The following PHACTR3 variants were observed in gnomAD, a reference collection of about 807,000 sequenced individuals.
PHACTR3 encodes the protein protein phosphatase 1, regulatory subunit 123.
Under a neutral mutation model 66.8 loss-of-function variants are expected in PHACTR3, and 16 were observed. That is an observed-to-expected ratio of 0.24 (90% CI 0.16 to 0.36). The LOEUF (loss-of-function observed/expected upper bound fraction) is 0.36. Ranked by LOEUF, PHACTR3 falls within the 10% of genes least tolerant of loss-of-function variation. PHACTR3 has a pLI of 1.00. For synonymous variants in PHACTR3, 323 were observed against 292.1 expected, an observed-to-expected ratio of 1.11 and a Z score of -1.08; for missense variants, 647 against 719.9, an observed-to-expected ratio of 0.90 and a Z score of 1.16.
intron 1 of PHACTR3, among the ~76,000 whole-genome samples, chr20:59,725,094 C>A (rs2038511247): frequency 6.6e-6 from 1 of 150,666 alleles, no homozygotes; most frequent in South Asian, 2.1e-4. Context: ...CTCAGTAAGG[C>A]TGTGAGCCCA....
chr20:59,768,409 G>C (rs77511051), intron 5 of PHACTR3, among the ~76,000 whole-genome samples: 3,402 of 152,286 alleles, frequency 0.022, 58 homozygotes, highest in Non-Finnish European at 0.035. Context: ...GGGTAGGCAC[G>C]AGGTGCCCCA....
intron 1 of PHACTR3, among the ~76,000 whole-genome samples, chr20:59,728,127 G>A (rs1254690877): frequency 2.0e-5 from 3 of 152,120 alleles, no homozygotes; most frequent in African/African-American, 4.8e-5. Context: ...TCTAGTTCCC[G>A]AACATTGTCA....
intron 1 of PHACTR3, among the ~76,000 whole-genome samples, chr20:59,715,651 A>C (rs1405362966): frequency 6.6e-6 from 1 of 152,044 alleles, no homozygotes; most frequent in Non-Finnish European, 1.5e-5. Context: ...TGATTCCCTC[A>C]TGTTTTTTAT....
At chr20:59,826,569 C>T (rs925244611) in intron 8 of PHACTR3, among the ~76,000 whole-genome samples, 3 of 152,136 alleles carry the variant, frequency 2.0e-5, no homozygotes, top group Non-Finnish European at 2.9e-5. Context: ...CACACACCCT[C>T]CTGGCCCTGC....
At chr20:59,583,620 G>A (rs1453204346) in intron 1 of PHACTR3, among the ~76,000 whole-genome samples, 2 of 152,184 alleles carry the variant, frequency 1.3e-5, no homozygotes, top group Non-Finnish European at 2.9e-5. Context: ...TGGCTTTCCC[G>A]GAACCCTCCT....
chr20:59,722,092 T>C (rs977266164), intron 1 of PHACTR3, among the ~76,000 whole-genome samples: 5 of 151,764 alleles, frequency 3.3e-5, no homozygotes, highest in African/African-American at 9.7e-5. Context: ...ATTAGCCGGG[T>C]GTGGTGGCGG....
intron 8 of PHACTR3, among the ~76,000 whole-genome samples, chr20:59,825,721 C>A (rs2042171252): frequency 6.6e-6 from 1 of 152,122 alleles, no homozygotes; most frequent in Non-Finnish European, 1.5e-5. Context: ...ATCTGGGTAA[C>A]AACTTTCTCA....
chr20:59,714,726 T>A (rs1445272641), intron 1 of PHACTR3, among the ~76,000 whole-genome samples: 1 of 152,264 alleles, frequency 6.6e-6, no homozygotes, highest in Non-Finnish European at 1.5e-5. Flanking sequence ...AAACCTTTTG[T>A]AAGTTGGATT....
intron 1 of PHACTR3, among the ~76,000 whole-genome samples, chr20:59,585,573 G>A (rs6026976): frequency 0.17 from 26,565 of 152,142 alleles, 3,072 homozygotes; most frequent in East Asian, 0.35. Flanking sequence ...TGATCCATCT[G>A]CTCCACCAAA....
chr20:59,717,598 CA>C (rs1459000586), intron 1 of PHACTR3, among the ~76,000 whole-genome samples: 8 of 152,318 alleles, frequency 5.3e-5, no homozygotes, highest in African/African-American at 1.4e-4. Flanking sequence ...GGTGCATGCT[CA>C]GGGGTGGAGC....
At chr20:59,586,906 G>C (rs1802092024) in intron 1 of PHACTR3, among the ~76,000 whole-genome samples, 1 of 152,248 alleles carries the variant, frequency 6.6e-6, no homozygotes, top group African/African-American at 2.4e-5. Flanking sequence ...AGCCTGGACA[G>C]TCTGCTGGAT....
intron 7 of PHACTR3, among the ~76,000 whole-genome samples, chr20:59,775,605 G>A (rs1355091623): frequency 3.9e-5 from 6 of 152,140 alleles, no homozygotes; most frequent in Admixed American, 3.9e-4. Flanking sequence ...GCTGTCACCT[G>A]TGCGTTTGGA....
At chr20:59,651,010 A>T (rs1162502631) in intron 1 of PHACTR3, among the ~76,000 whole-genome samples, 1 of 152,106 alleles carries the variant, frequency 6.6e-6, no homozygotes, top group Non-Finnish European at 1.5e-5. Flanking sequence ...ATCTTTGTTA[A>T]TTCTGGCTGT....
intron 1 of PHACTR3, among the ~76,000 whole-genome samples, chr20:59,693,599 C>A (rs143638741): frequency 6.6e-5 from 10 of 152,276 alleles, no homozygotes; most frequent in South Asian, 6.2e-4. Context: ...TGAGGTGGTA[C>A]CTGGTGTATC....
chr20:59,704,488 T>C (rs900037939), intron 1 of PHACTR3, among the ~76,000 whole-genome samples: 41 of 151,588 alleles, frequency 2.7e-4, no homozygotes, highest in African/African-American at 8.0e-4. Context: ...TCATGGGAAA[T>C]GCATTTGAAT....
At chr20:59,637,065 C>T (rs1208206375) in intron 1 of PHACTR3, among the ~76,000 whole-genome samples, 1 of 152,240 alleles carries the variant, frequency 6.6e-6, no homozygotes, top group Admixed American at 6.5e-5. Context: ...TCCAAAGCAA[C>T]CTGCTCCTCA....
intron 6 of PHACTR3, among the ~76,000 whole-genome samples, 184 bp downstream of exon 6, chr20:59,773,637 G>T (rs1224099481): frequency 1.3e-5 from 2 of 152,218 alleles, no homozygotes; most frequent in East Asian, 3.8e-4. Flanking sequence ...GCTGATCTTG[G>T]TTCCCACATT....
chr20:59,782,703 AG>A (rs1225110538), intron 7 of PHACTR3, among the ~76,000 whole-genome samples: 1 of 152,234 alleles, frequency 6.6e-6, no homozygotes, highest in African/African-American at 2.4e-5. Flanking sequence ...CCACGAGAAA[AG>A]TATGGGGGAA....
chr20:59,801,160 T>C (rs2041401686), intron 7 of PHACTR3, among the ~76,000 whole-genome samples: 1 of 152,170 alleles, frequency 6.6e-6, no homozygotes, highest in African/African-American at 2.4e-5. Context: ...CTGGCTGCCC[T>C]GATCCCCTTG....
Sources: allele counts gnomAD v4.1 joint callset (sites outside exome capture counted in the v4.1 genomes callset), GRCh38; gene constraint gnomAD v4.1.1; transcripts MANE v1.5; gene names NCBI Gene and HGNC (gene_info 2026-07-23, HGNC 2026-07-21).